SFMBT2: variants seen among roughly 807,000 people sequenced by gnomAD.
SFMBT2 encodes the protein scm-like with four MBT domains protein 2.
SFMBT2 carries 38 observed loss-of-function variants against 110.1 expected under a neutral mutation model. The ratio of observed to expected loss-of-function variants is 0.35; its 90% confidence interval spans 0.27 to 0.45. SFMBT2 has a LOEUF of 0.45. SFMBT2 is among the 20% of genes least tolerant of loss of function. The pLI, the probability that SFMBT2 is intolerant of heterozygous loss-of-function variation, is 1.00. For synonymous variants in SFMBT2, 425 were observed against 425.4 expected, an observed-to-expected ratio of 1.00 and a Z score of 0.01; for missense variants, 1,011 against 1,094.9, an observed-to-expected ratio of 0.92 and a Z score of 1.08.
chr10:7,375,682 C>T (rs892562543), intron 2 of SFMBT2, among the ~76,000 whole-genome samples: 2 of 151,736 alleles, frequency 1.3e-5, no homozygotes, highest in South Asian at 2.1e-4. Flanking sequence ...ACAGTCCTCA[C>T]GGCACAAAGG....
intron 16 of SFMBT2, among the ~76,000 whole-genome samples, chr10:7,184,539 A>T (rs140539426): frequency 0.026 from 3,993 of 152,122 alleles, 75 homozygotes; most frequent in Admixed American, 0.048. Context: ...GCGGCATGAA[A>T]ATGGACTAAT....
chr10:7,180,353 G>A (rs1381391029), intron 16 of SFMBT2, among the ~76,000 whole-genome samples: 2 of 149,816 alleles, frequency 1.3e-5, no homozygotes, highest in African/African-American at 4.9e-5. Context: ...TGGCCAGGCT[G>A]GTCTTGAACT....
chr10:7,255,541 C>T (rs980591686), intron 7 of SFMBT2, among the ~76,000 whole-genome samples: 6 of 152,148 alleles, frequency 3.9e-5, no homozygotes, highest in Admixed American at 2.0e-4. Flanking sequence ...TTTATTTTTG[C>T]CCTAAAGTAG....
chr10:7,361,858 C>T (rs558378788), intron 4 of SFMBT2, among the ~76,000 whole-genome samples: 43 of 152,284 alleles, frequency 2.8e-4, no homozygotes, highest in Non-Finnish European at 5.9e-4. Flanking sequence ...CAATCTTCCA[C>T]GAGCATCTTT....
At chr10:7,213,617 C>G (rs1431988288) in intron 11 of SFMBT2, among the ~76,000 whole-genome samples, 1 of 152,206 alleles carries the variant, frequency 6.6e-6, no homozygotes, top group East Asian at 1.9e-4. Context: ...CTGGTGAGTT[C>G]TGTTCTGGAA....
intron 2 of SFMBT2, among the ~76,000 whole-genome samples, chr10:7,378,763 G>T (rs1845343028): frequency 6.7e-6 from 1 of 148,374 alleles, no homozygotes; most frequent in African/African-American, 2.5e-5. Flanking sequence ...GTGTGGGTGT[G>T]TCGCTGTGGG....
rs753938408 is a variant in SFMBT2, at chr10:7,381,917, T to A, written c.-19A>T. 4 of 1,558,952 alleles carry A rather than the reference T, an allele frequency of 2.6e-6. No individual in the cohort carries two copies. Among genetic ancestry groups the A allele is most frequent in the Non-Finnish European group, 3.5e-6 (4 of 1,148,116 alleles). ...TCTCCATGCCTGATGAGCAAGTGTC[T>A]CTTCTCTTAATTCATCCTGCAGAAA... On this transcript the variant is annotated 5_prime_UTR_variant, in exon 2 of 21. Coordinates refer to ENST00000397167, the MANE Select transcript of SFMBT2 (RefSeq NM_001387889.1).
chr10:7,322,794 G>A (rs533949621), intron 4 of SFMBT2, among the ~76,000 whole-genome samples: 1 of 152,294 alleles, frequency 6.6e-6, no homozygotes, highest in African/African-American at 2.4e-5. Flanking sequence ...AGAAAGACAG[G>A]ATTTCACATC....
chr10:7,408,235 G>A lies in SFMBT2; in HGVS notation c.-52+2626C>T, dbSNP rs1269416922. ...CCCATGGGAAAGCCGGCCCCGGGAG[G>A]GCGCGCCCAAACGCAGGCTGGAGGA... On this transcript the variant is annotated intron_variant, in intron 1 of 20. Coordinates refer to ENST00000397167, the MANE Select transcript of SFMBT2 (RefSeq NM_001387889.1). The surrounding 1 kb of genome is among the most constrained non-coding windows in gnomAD (Gnocchi z 5.7). Among the ~76,000 whole-genome samples the A allele has an allele frequency of 1.3e-5, 2 of 152,196 alleles. No individual in the cohort carries two copies. The highest frequency in any genetic ancestry group is 2.9e-5 in the Non-Finnish European group (2 of 68,038).
At chr10:7,207,266 G>A (rs1417601478) in intron 11 of SFMBT2, among the ~76,000 whole-genome samples, 1 of 151,812 alleles carries the variant, frequency 6.6e-6, no homozygotes, top group Non-Finnish European at 1.5e-5. Flanking sequence ...AGGCTGAGGT[G>A]GGAGGACTGC....
At chr10:7,382,018 T>C in intron 1 of SFMBT2, 69 bp from the exon 2 acceptor site, 1 of 869,236 alleles carries the variant, frequency 1.2e-6, no homozygotes. Context: ...TTATTTTTAA[T>C]TTTGTTTAAA....
At chr10:7,240,831 C>T (rs888061818) in intron 9 of SFMBT2, among the ~76,000 whole-genome samples, 5 of 152,194 alleles carry the variant, frequency 3.3e-5, no homozygotes, top group African/African-American at 1.2e-4. Context: ...TGTCCACACT[C>T]CTGTAAGTTG....
chr10:7,316,169 G>A (rs1018189983), intron 4 of SFMBT2, among the ~76,000 whole-genome samples: 1 of 152,214 alleles, frequency 6.6e-6, no homozygotes, highest in Admixed American at 6.5e-5. Context: ...ATTAGTGAAT[G>A]GGTTGTGTTG....
intron 4 of SFMBT2, among the ~76,000 whole-genome samples, chr10:7,361,195 G>A (rs1844705967): frequency 1.3e-5 from 2 of 152,040 alleles, no homozygotes. Flanking sequence ...TTTTCTTATT[G>A]ATAAACAAAT....
intron 11 of SFMBT2, among the ~76,000 whole-genome samples, chr10:7,217,397 C>G (rs1390911617): frequency 6.6e-6 from 1 of 151,856 alleles, no homozygotes; most frequent in Admixed American, 6.6e-5. Context: ...ATGAAACCAC[C>G]CAAAAGTTCT....
At chr10:7,387,778 A>G (rs754225221) in intron 1 of SFMBT2, among the ~76,000 whole-genome samples, 20 of 88,096 alleles carry the variant, frequency 2.3e-4, no homozygotes, top group African/African-American at 4.2e-4. Flanking sequence ...TAAAAATAGG[A>G]AAAAAAAAAA....
chr10:7,192,959 T>TA (rs143132163), intron 15 of SFMBT2, among the ~76,000 whole-genome samples: 3,330 of 152,118 alleles, frequency 0.022, 116 homozygotes, highest in African/African-American at 0.076. Flanking sequence ...GGTGGAGAGT[T>TA]ACACTGGAGC....
At chr10:7,294,579 T>C (rs918502941) in intron 4 of SFMBT2, among the ~76,000 whole-genome samples, 1 of 152,230 alleles carries the variant, frequency 6.6e-6, no homozygotes, top group African/African-American at 2.4e-5. Flanking sequence ...TTTCTAACAC[T>C]GTTACTATAA....
rs978411072 is a variant in SFMBT2, at chr10:7,163,546, T to C, written c.*224A>G. On this transcript the variant is annotated 3_prime_UTR_variant, in exon 21 of 21. Transcript: ENST00000397167. This position sits in a 1 kb window ranked among gnomAD's most constrained non-coding sequence, Gnocchi z 4.8. ...CAGGCCCACGTCTGGCAGGGTCTGA[T>C]GCATGACTTTAACTGGCACTCCCCA... The C allele has an allele frequency of 4.6e-5, 23 of 503,030 alleles. No individual in the cohort carries two copies. The highest frequency in any genetic ancestry group is 4.3e-4 in the African/African-American group (22 of 50,808). The allele number at this position is 503,030 out of a possible 1,614,324, so 31.2% of individuals were successfully genotyped here. A position where few individuals can be genotyped will look rare whatever the true frequency, so the allele number is the denominator to read the frequency against.
Sources: gnomAD v4.1 joint callset for allele counts (sites outside exome capture counted in the v4.1 genomes callset) on GRCh38, gnomAD v4.1.1 for gene constraint, Gnocchi (gnomAD v3.1) non-coding constraint, MANE v1.5 for transcripts, NCBI Gene and HGNC (gene_info 2026-07-23, HGNC 2026-07-21) for gene names.